The following BACE1 variants were observed in gnomAD, a reference collection of about 807,000 sequenced individuals.
BACE1 encodes beta-secretase 1.
BACE1 carries 21 observed loss-of-function variants against 54.0 expected under a neutral mutation model. The ratio of observed to expected loss-of-function variants is 0.39; its 90% CI spans 0.28 to 0.56. BACE1 has a LOEUF of 0.56. Ranked by LOEUF, BACE1 falls within the 20% of genes least tolerant of loss-of-function variation. BACE1 has a pLI of 0.63. For synonymous variants in BACE1, 232 were observed against 260.9 expected (o/e 0.89, Z 1.07); for missense variants, 511 against 661.2 (o/e 0.77, Z 2.49).
At chr11:117,297,140 G>T in intron 1 of BACE1, 179 bp from the exon 2 acceptor site, 1 of 566,892 alleles carries the variant, frequency 1.8e-6, no homozygotes. Context: ...CAGGACCTGG[G>T]GTCCTGTGGT....
At chr11:117,299,671 G>C (rs1249806364) in intron 1 of BACE1, 3 of 402,990 alleles carry the variant, frequency 7.4e-6, no homozygotes, top group Non-Finnish European at 1.5e-5. Flanking sequence ...CTCTCTCCCC[G>C]GTCTCTGGGC....
In BACE1 at chr11:117,316,183, T is replaced by A. The variant is rs894400007; in HGVS notation, c.-388A>T. The A allele has an allele frequency of 1.0e-5, 4 of 401,240 alleles. No homozygotes were observed. The highest frequency in any genetic ancestry group is 1.8e-5 in the Non-Finnish European group (4 of 227,632). 24.9% of individuals were successfully genotyped at this position (401,240 alleles called of 1,614,324 possible). ...GGGCTCCGGGCTCCTGCGGCTGCGT[T>A]GGCTGCTCAGGCCACCATAATCCAG... On this transcript the variant is annotated 5_prime_UTR_variant, in exon 1 of 9. Transcript: ENST00000313005.
rs917050477 is a variant in BACE1 at position 117,293,512 on chromosome 11, C to T, written c.706-324G>A. ...TATATTATAAGTTTTATTTTCTCTG[C>T]TTATTGGAGAACCATTCACCATTGT... On this transcript the variant is annotated intron_variant, in intron 4 of 8. Transcript: ENST00000313005. This position sits in a 1 kb window ranked among gnomAD's most constrained non-coding sequence, Gnocchi z 4.1. 7.2e-6 allele frequency: 2 copies of T among 277,918 alleles called. No individual in the cohort carries two copies. Among genetic ancestry groups the T allele is most frequent in the African/African-American group, 4.4e-5 (2 of 45,342 alleles). The allele number at this position is 277,918 out of a possible 1,614,324, so 17.2% of individuals were successfully genotyped here. A position where few individuals can be genotyped will look rare whatever the true frequency, so the allele number is the denominator to read the frequency against.
rs539268981 is a variant in BACE1, at chr11:117,289,112, C to T, written c.*454G>A. The stretch of plus-strand genomic sequence containing the variant: ...AAGCAAATAGCAAACTGTGCATCCT[C>T]TCCTACTGACTTTGGCCAGCAGGGA... On this transcript the variant is annotated 3_prime_UTR_variant, in exon 9 of 9. Coordinates refer to ENST00000313005, the MANE Select transcript of BACE1 (RefSeq NM_012104.6). 6.4e-4 allele frequency: 115 copies of T among 179,248 alleles called. 1 individual carries two copies. Among genetic ancestry groups the T allele is most frequent in the Non-Finnish European group, 1.2e-3 (101 of 82,314 alleles). 11.1% of individuals were successfully genotyped at this position (179,248 alleles called of 1,614,324 possible).
At chr11:117,305,634 G>C (rs17120581) in intron 1 of BACE1, among the ~76,000 whole-genome samples, 8,962 of 151,870 alleles carry the variant, frequency 0.059, 866 homozygotes, top group African/African-American at 0.2. Context: ...TCCGCAGCCT[G>C]TAACCCGGCT....
At chr11:117,291,632 C>A in intron 6 of BACE1, 80 bp downstream of exon 6, 1 of 1,027,908 alleles carries the variant, frequency 9.7e-7, no homozygotes, top group Non-Finnish European at 1.5e-6. Flanking sequence ...GACATCTTGG[C>A]TGTTGCTGAA....
chr11:117,295,266 G>C lies in BACE1; in HGVS notation c.432C>G (p.Asp144Glu). The change falls in exon 3 of 9, where the codon GAC becomes GAG. Residue 144 changes from aspartate (D) to glutamate (E), a missense_variant. Coordinates refer to ENST00000313005, the MANE Select transcript of BACE1 (RefSeq NM_012104.6). ...QGKWEGELGT[D>E]LVSIPHGPNV... is the part of the protein sequence containing the mutation. ...TGGGGCCATGGGGGATGCTTACCAG[G>C]TCGGTGCCCAGCTCCCCTTCCCACT... is the stretch of plus-strand genomic sequence containing the variant. 1 of 1,614,202 alleles carries C rather than the reference G, an allele frequency of 6.2e-7. No individual in the cohort carries two copies. The highest frequency in any genetic ancestry group is 8.5e-7 in the Non-Finnish European group (1 of 1,180,030).
chr11:117,286,301 C>T lies in BACE1; in HGVS notation c.*3265G>A, dbSNP rs1373268762. ...CTATCAGGAACTAGATCATTTTCCA[C>T]CTCTGCTTATTGTACTTCTTAATTT... On this transcript the variant is annotated 3_prime_UTR_variant, in exon 9 of 9. Transcript: ENST00000313005. 1 of 152,238 alleles carries T rather than the reference C, an allele frequency of 6.6e-6. No individual in the cohort carries two copies. The allele number at this position is 152,238 out of a possible 1,614,324, so 9.4% of individuals were successfully genotyped here.
At chr11:117,299,690 G>C (rs2034679706) in intron 1 of BACE1, 1 of 403,016 alleles carries the variant, frequency 2.5e-6, no homozygotes, top group Non-Finnish European at 4.9e-6. Context: ...GCAGCCACCA[G>C]CTCCAGATGC....
In BACE1 at chr11:117,289,633, C is replaced by G. The variant is rs2034356190; in HGVS notation, c.1439G>C (p.Trp480Ser). Reference sequence around the variant, plus strand: ...CTGGCGCAGGCAGCGGAGGCAGCGCCACTGACACACCATGAGGCAGAGTGG... The same window carrying G: ...CTGGCGCAGGCAGCGGAGGCAGCGCGACTGACACACCATGAGGCAGAGTGG... ...MLPLCLMVCQWRCLRCLRQQH... is the reference protein window; with the variant it reads ...MLPLCLMVCQSRCLRCLRQQH... Residue 480 changes from tryptophan to serine, a missense_variant, in exon 9 of 9, where the codon TGG becomes TCG. Physicochemically the swap from Trp to Ser is radical, Grantham distance 177. Around this residue, in one of 2 missense-constraint regions of BACE1, gnomAD observed 407 missense variants for 565.7 expected, o/e 0.72. Coordinates refer to ENST00000313005, the MANE Select transcript of BACE1 (RefSeq NM_012104.6). The G allele has an allele frequency of 6.2e-7, 1 of 1,614,172 alleles. No homozygotes were observed.
At chr11:117,292,046 T>C (rs28989504) in intron 5 of BACE1, 17,304 of 311,206 alleles carry the variant, frequency 0.056, 657 homozygotes, top group East Asian at 0.13. Flanking sequence ...AAATCAGCAA[T>C]GTAAAGCACT....
chr11:117,286,933 G>A lies in BACE1; in HGVS notation c.*2633C>T, dbSNP rs2034280239. ...ATTGTTCTTTTTGTTTAGGGGATTC[G>A]TTTTTTATCTTGTAATCTTAAGATT... is the stretch of plus-strand genomic sequence containing the variant. On this transcript the variant is annotated 3_prime_UTR_variant, in exon 9 of 9. Transcript: ENST00000313005. The A allele has an allele frequency of 6.6e-6, 1 of 152,416 alleles. No individual in the cohort carries two copies. The highest frequency in any genetic ancestry group is 1.5e-5 in the Non-Finnish European group (1 of 67,990). 9.4% of individuals were successfully genotyped at this position (152,416 alleles called of 1,614,324 possible).
chr11:117,293,806 G>A lies in BACE1; in HGVS notation c.705+65C>T. ...AAAACTGTGGTGTAGCTTTCAGGAAGGGGAGAGGATGGCACCCATCTCTCC... is the reference window on the plus strand; with the variant it reads ...AAAACTGTGGTGTAGCTTTCAGGAAAGGGAGAGGATGGCACCCATCTCTCC... On this transcript the variant is annotated intron_variant, in intron 4 of 8. Transcript: ENST00000313005. This position sits in a 1 kb window ranked among gnomAD's most constrained non-coding sequence, Gnocchi z 4.1. The A allele has an allele frequency of 6.7e-7, 1 of 1,502,454 alleles. No individual in the cohort carries two copies. The highest frequency in any genetic ancestry group is 8.9e-7 in the Non-Finnish European group (1 of 1,118,540). 93.1% of individuals were successfully genotyped at this position (1,502,454 alleles called of 1,614,324 possible).
At chr11:117,304,245 T>A (rs1320379847) in intron 1 of BACE1, among the ~76,000 whole-genome samples, 4 of 152,190 alleles carry the variant, frequency 2.6e-5, no homozygotes, top group Non-Finnish European at 5.9e-5. Context: ...CAGTCTTGCC[T>A]CCTTCCAAAT....
At chr11:117,301,697 C>T (rs952681148) in intron 1 of BACE1, among the ~76,000 whole-genome samples, 1 of 152,150 alleles carries the variant, frequency 6.6e-6, no homozygotes, top group African/African-American at 2.4e-5. Context: ...GTTCCTTATA[C>T]TAGTGGATGG....
chr11:117,296,727 G>C (rs1254270440), intron 2 of BACE1, 146 bp downstream of exon 2: 2 of 623,212 alleles, frequency 3.2e-6, no homozygotes, highest in Non-Finnish European at 5.5e-6. Flanking sequence ...TGTCTCTCCT[G>C]GTCACTGTCT....
intron 1 of BACE1, among the ~76,000 whole-genome samples, chr11:117,298,299 CAAAAA>C (rs546773274): frequency 7.1e-6 from 1 of 140,578 alleles, no homozygotes; most frequent in African/African-American, 2.6e-5. Flanking sequence ...CACTCCGTCT[CAAAAA>C]AAAAAAGAAA....
intron 1 of BACE1, among the ~76,000 whole-genome samples, chr11:117,298,818 T>C (rs1379294963): frequency 6.6e-6 from 1 of 152,226 alleles, no homozygotes; most frequent in Non-Finnish European, 1.5e-5. Context: ...TCACTTCTTT[T>C]TTTTGAGATG....
At chr11:117,292,665 C>T (rs1273078813) in intron 5 of BACE1, 1 of 156,392 alleles carries the variant, frequency 6.4e-6, no homozygotes, top group African/African-American at 2.4e-5. Flanking sequence ...GAAACTGAGA[C>T]ACAGAATAGT....
Sources: allele counts gnomAD v4.1 joint callset (sites outside exome capture counted in the v4.1 genomes callset), GRCh38; gene constraint gnomAD v4.1.1; regional missense constraint gnomAD v4.1.1; non-coding constraint Gnocchi (gnomAD v3.1); transcripts MANE v1.5; gene names NCBI Gene and HGNC (gene_info 2026-07-23, HGNC 2026-07-21).